WDPCP: variants seen among roughly 807,000 people sequenced by gnomAD.
WDPCP encodes the protein WD repeat containing planar cell polarity effector, also known as WD repeat-containing and planar cell polarity effector protein fritz homolog.
Under a neutral mutation model 93.1 loss-of-function variants are expected in WDPCP, and 71 were observed. That is an observed-to-expected ratio of 0.76 (90% CI 0.63 to 0.93). The LOEUF is 0.93. Ranked by LOEUF, WDPCP falls within the 40% of genes least tolerant of loss-of-function variation. The probability of loss-of-function intolerance (pLI) is 0.00; values close to 1 mark genes in which losing one functional copy is unlikely to be tolerated. For synonymous variants in WDPCP, 315 were observed against 315.0 expected (o/e 1.00, Z 0.00); for missense variants, 844 against 887.4 (o/e 0.95, Z 0.62).
rs186701461 is a variant in WDPCP, at chr2:63,620,231, G to A, written n.488+30428C>T. Reference sequence around the variant, plus strand: ...AGGGAGCCAACTGGTCTAGCTCAGCGGATCCCACCCCAACAGAGCCCAGCA... The same window carrying A: ...AGGGAGCCAACTGGTCTAGCTCAGCAGATCCCACCCCAACAGAGCCCAGCA... On this transcript the variant is annotated intron_variant and non_coding_transcript_variant, in intron 3 of 4. Transcript: ENST00000467687. Among the ~76,000 whole-genome samples, 95 of 152,282 alleles carry A rather than the reference G, an allele frequency of 6.2e-4. 1 individual carries two copies. The highest frequency in any genetic ancestry group is 3.4e-3 in the Middle Eastern group (1 of 294).
At chr2:63,373,725 C>G (rs1691606462) in intron 12 of WDPCP, among the ~76,000 whole-genome samples, 1 of 152,024 alleles carries the variant, frequency 6.6e-6, no homozygotes, top group South Asian at 2.1e-4. Flanking sequence ...CTCCACTTAC[C>G]CCTAATTCTT....
intron 1 of WDPCP, among the ~76,000 whole-genome samples, chr2:63,575,868 AT>A (rs1349515575): frequency 6.6e-6 from 1 of 152,130 alleles, no homozygotes; most frequent in Non-Finnish European, 1.5e-5. Flanking sequence ...AGTAAATAAC[AT>A]GAATCCTAGA....
chr2:63,694,317 T>C (rs1668933892), intron 2 of WDPCP, among the ~76,000 whole-genome samples: 1 of 152,158 alleles, frequency 6.6e-6, no homozygotes, highest in Non-Finnish European at 1.5e-5. Context: ...AGTTAGCCTT[T>C]AGATGGTTAG....
chr2:63,704,113 G>T (rs1413445316), intron 2 of WDPCP, among the ~76,000 whole-genome samples: 1 of 152,150 alleles, frequency 6.6e-6, no homozygotes, highest in African/African-American at 2.4e-5. Context: ...TCTGTTATTG[G>T]TGTATAAGAA....
At chr2:63,365,650 C>T (rs762041950) in intron 12 of WDPCP, among the ~76,000 whole-genome samples, 4 of 152,102 alleles carry the variant, frequency 2.6e-5, no homozygotes, top group Middle Eastern at 3.2e-3. Context: ...CTCCTCGCTA[C>T]AGGTTCGCTC....
intron 14 of WDPCP, among the ~76,000 whole-genome samples, chr2:63,248,066 A>G (rs1056160041): frequency 6.6e-6 from 1 of 152,130 alleles, no homozygotes; most frequent in African/African-American, 2.4e-5. Context: ...CTACTTTGTT[A>G]TTCATGTCAC....
Position 63,575,439 on chromosome 2 carries a change from G to GTATATATACAT in WDPCP, c.75+12757_75+12758insATGTATATATA, listed in dbSNP as rs1402088527. ...ATACACTGTATACAGTGTATATACA[G>GTATATATACAT]TGTATACACTGTATATACAGTATAT... On this transcript the variant is annotated intron_variant, in intron 1 of 17. Coordinates refer to ENST00000272321, the MANE Select transcript of WDPCP (RefSeq NM_015910.7). Among the ~76,000 whole-genome samples the GTATATATACAT allele has an allele frequency of 6.5e-5, 6 of 91,994 alleles. 1 individual carries two copies. The highest frequency in any genetic ancestry group is 1.7e-4 in the African/African-American group (3 of 17,762). 60.4% of individuals were successfully genotyped at this position (91,994 alleles called of 152,430 possible). A position where few individuals can be genotyped will look rare whatever the true frequency, so the allele number is the denominator to read the frequency against.
intron 1 of WDPCP, among the ~76,000 whole-genome samples, chr2:63,522,588 G>A (rs1172806386): frequency 1.3e-5 from 2 of 151,850 alleles, no homozygotes; most frequent in African/African-American, 2.4e-5. Flanking sequence ...AAGAAAAAGA[G>A]AGAAGATCTA....
At chr2:63,348,764 T>C (rs897607587) in intron 12 of WDPCP, among the ~76,000 whole-genome samples, 5 of 152,154 alleles carry the variant, frequency 3.3e-5, no homozygotes, top group African/African-American at 1.2e-4. Context: ...GCAGCAAGTA[T>C]ATTTAAAAAA....
intron 9 of WDPCP, among the ~76,000 whole-genome samples, chr2:63,412,114 G>A (rs1029492197): frequency 2.0e-5 from 3 of 152,108 alleles, no homozygotes; most frequent in African/African-American, 7.2e-5. Context: ...GATGAACATT[G>A]ATGCTAAACT....
At chr2:63,290,186 A>G (rs1478356902) in intron 13 of WDPCP, among the ~76,000 whole-genome samples, 1 of 151,918 alleles carries the variant, frequency 6.6e-6, no homozygotes, top group African/African-American at 2.4e-5. Context: ...GAATATTTTA[A>G]AAGTATTTTA....
At chr2:63,565,504 T>G (rs1023772148) in intron 1 of WDPCP, among the ~76,000 whole-genome samples, 3 of 152,166 alleles carry the variant, frequency 2.0e-5, no homozygotes, top group Middle Eastern at 6.3e-3. Flanking sequence ...AAGGAGTCAC[T>G]GAGAAAAATA....
intron 2 of WDPCP, chr2:63,751,877 C>A: frequency 1.5e-6 from 1 of 684,738 alleles, no homozygotes; most frequent in Non-Finnish European, 2.7e-6. Context: ...TAGCTTCCAC[C>A]ACCTTCAAAA....
chr2:63,438,854 C>T (rs759118987), intron 7 of WDPCP, among the ~76,000 whole-genome samples: 1 of 152,074 alleles, frequency 6.6e-6, no homozygotes, highest in East Asian at 1.9e-4. Context: ...ATTTAAGATA[C>T]TGACCATTTT....
chr2:63,323,914 G>C (rs1558469521), intron 12 of WDPCP, among the ~76,000 whole-genome samples: 1 of 152,076 alleles, frequency 6.6e-6, no homozygotes, highest in Admixed American at 6.6e-5. Context: ...AGGTTTGTGG[G>C]TGGGGGAGAA....
chr2:63,365,693 A>G (rs1690850038), intron 12 of WDPCP, among the ~76,000 whole-genome samples: 1 of 152,162 alleles, frequency 6.6e-6, no homozygotes, highest in South Asian at 2.1e-4. Context: ...CCCTATGCAG[A>G]CATTAGACAA....
intron 14 of WDPCP, among the ~76,000 whole-genome samples, chr2:63,224,870 C>T (rs1678153779): frequency 6.6e-6 from 1 of 151,740 alleles, no homozygotes; most frequent in African/African-American, 2.4e-5. Context: ...AGAGCAAACA[C>T]TAATGTAAAT....
intron 3 of WDPCP, chr2:63,622,526 G>A (rs910393564): frequency 2.1e-5 from 34 of 1,613,698 alleles, no homozygotes; most frequent in Non-Finnish European, 2.7e-5. Context: ...TCAGCCGGGC[G>A]TGGTTGATGT....
chr2:63,298,674 A>G (rs535183169), intron 13 of WDPCP, among the ~76,000 whole-genome samples: 13 of 152,042 alleles, frequency 8.6e-5, no homozygotes, highest in Admixed American at 5.2e-4. Context: ...TGACTTCCTT[A>G]CTTTTGAGGT....
Sources: allele counts gnomAD v4.1 joint callset (sites outside exome capture counted in the v4.1 genomes callset), GRCh38; gene constraint gnomAD v4.1.1; transcripts MANE v1.5; gene names NCBI Gene and HGNC (gene_info 2026-07-23, HGNC 2026-07-21).